SOX6: variants seen among roughly 807,000 people sequenced by gnomAD.
The protein encoded by SOX6 is transcription factor SOX-6.
A neutral mutation model predicts 97.8 loss-of-function variants in SOX6; 11 were observed. That is an observed-to-expected ratio of 0.11 (90% CI 0.07 to 0.19). The LOEUF (loss-of-function observed/expected upper bound fraction) is 0.19, where lower values mean the gene tolerates loss of function less well. Ranked by LOEUF, SOX6 falls within the 10% of genes least tolerant of loss-of-function variation. The pLI is 1.00. For synonymous variants in SOX6, 360 were observed against 371.4 expected (o/e 0.97, Z 0.35); for missense variants, 810 against 1,039.5 (o/e 0.78, Z 3.04).
chr11:16,004,480 G>A (rs1854495074), intron 13 of SOX6, among the ~76,000 whole-genome samples: 1 of 151,840 alleles, frequency 6.6e-6, no homozygotes, highest in South Asian at 2.1e-4. Context: ...ACATATTATG[G>A]GAGTAGCAGA....
intron 1 of SOX6, among the ~76,000 whole-genome samples, chr11:16,464,482 G>A (rs898477117): frequency 7.9e-5 from 12 of 151,654 alleles, no homozygotes; most frequent in African/African-American, 2.9e-4. Flanking sequence ...CAGAAGGGAG[G>A]GGAGAAAGGA....
At chr11:16,004,766 G>A (rs1230961028) in intron 13 of SOX6, among the ~76,000 whole-genome samples, 1 of 152,008 alleles carries the variant, frequency 6.6e-6, no homozygotes, top group Non-Finnish European at 1.5e-5. Flanking sequence ...AGCTCATCTT[G>A]GAGAAAAACA....
intron 10 of SOX6, 87 bp from the exon 11 acceptor site, chr11:16,050,025 C>CA (rs1178701973): frequency 7.6e-7 from 1 of 1,321,428 alleles, no homozygotes; most frequent in African/African-American, 1.4e-5. Context: ...TTTTACACCT[C>CA]AGAGACAATG....
At chr11:16,132,318 G>GAAAAAA (rs1849775506) in intron 6 of SOX6, among the ~76,000 whole-genome samples, 1 of 91,032 alleles carries the variant, frequency 1.1e-5, no homozygotes, top group African/African-American at 4.2e-5. Flanking sequence ...AAGGAAGGAA[G>GAAAAAA]GAAGGAAGGA....
At chr11:16,692,155 C>A (rs917850295) in intron 3 of SOX6, among the ~76,000 whole-genome samples, 10 of 151,604 alleles carry the variant, frequency 6.6e-5, no homozygotes, top group African/African-American at 2.4e-4. Flanking sequence ...CTCACTGCAA[C>A]CTCTGTCTCC....
chr11:16,065,432 C>T (rs1224300908), intron 9 of SOX6, among the ~76,000 whole-genome samples: 1 of 151,900 alleles, frequency 6.6e-6, no homozygotes. Flanking sequence ...AATGTCCATG[C>T]TACCCAAAAC....
rs115708693 is a variant in SOX6 at position 16,296,828 on chromosome 11, A to G, written c.445+21618T>C. Among the ~76,000 whole-genome samples the G allele has an allele frequency of 1.1e-3, 171 of 152,196 alleles. 1 individual carries two copies. The highest frequency in any genetic ancestry group is 3.8e-3 in the African/African-American group (157 of 41,540). ...CCTTAGAAGTTAGGTCTATTCCACTATCATTACTGGGTAATGTTATGGGCA... is the reference window on the plus strand; with the variant it reads ...CCTTAGAAGTTAGGTCTATTCCACTGTCATTACTGGGTAATGTTATGGGCA... On this transcript the variant is annotated intron_variant, in intron 3 of 15. Coordinates refer to ENST00000683767, the MANE Select transcript of SOX6 (RefSeq NM_001367873.1).
chr11:16,183,992 G>T (rs571472816), intron 5 of SOX6, 38 bp from the exon 6 acceptor site: 5 of 1,550,296 alleles, frequency 3.2e-6, no homozygotes, highest in East Asian at 4.5e-5. Flanking sequence ...AAAATGAAAT[G>T]CTTACACCTC....
rs549030803 is a variant in SOX6, at chr11:16,532,799, C to T, written n.610-56411G>A. ...CATGATATGCCAGTACTGTCAAGCA[C>T]CAAACACAAAGCTAGAAGCTGTGAA... On this transcript the variant is annotated intron_variant and non_coding_transcript_variant, in intron 4 of 5. Coordinates refer to the SOX6 transcript ENST00000524520. Among the ~76,000 whole-genome samples, 5 of 151,876 alleles carry T rather than the reference C, an allele frequency of 3.3e-5. No homozygotes were observed. The South Asian group carries it at 8.3e-4, about 25-fold the overall frequency.
intron 3 of SOX6, among the ~76,000 whole-genome samples, chr11:16,268,473 A>G (rs1369899458): frequency 6.6e-6 from 1 of 151,148 alleles, no homozygotes; most frequent in Non-Finnish European, 1.5e-5. Context: ...CATAATGGCA[A>G]AGTATATGAT....
chr11:16,091,740 T>C (rs1467013454), intron 9 of SOX6, among the ~76,000 whole-genome samples: 4 of 152,048 alleles, frequency 2.6e-5, no homozygotes, highest in South Asian at 2.1e-4. Context: ...ACTCTAACTA[T>C]ATTCCTTTCC....
intron 2 of SOX6, among the ~76,000 whole-genome samples, chr11:16,728,245 T>A (rs1848322467): frequency 6.6e-6 from 1 of 152,184 alleles, no homozygotes; most frequent in African/African-American, 2.4e-5. Flanking sequence ...ACAGACTGCC[T>A]CCTCAAGTGG....
rs1311777083 is a variant in SOX6 at position 15,971,592 on chromosome 11, A to G, written c.*1217T>C. On this transcript the variant is annotated 3_prime_UTR_variant, in exon 16 of 16. Coordinates refer to ENST00000683767, the MANE Select transcript of SOX6 (RefSeq NM_001367873.1). ...CTCAGGGGCATACCTGTTTAAGTGT[A>G]AGACTATATACCTATATCCCAATAC... The G allele has an allele frequency of 5.2e-5, 8 of 152,564 alleles. No individual in the cohort carries two copies. Among genetic ancestry groups the G allele is most frequent in the African/African-American group, 1.7e-4 (7 of 41,454 alleles). The allele number at this position is 152,564 out of a possible 1,614,324, so 9.5% of individuals were successfully genotyped here.
chr11:16,643,988 T>A (rs901028455), intron 3 of SOX6, among the ~76,000 whole-genome samples: 4 of 152,176 alleles, frequency 2.6e-5, no homozygotes, highest in African/African-American at 9.7e-5. Context: ...AAATCATCCA[T>A]CTTCTGCATC....
intron 6 of SOX6, among the ~76,000 whole-genome samples, chr11:16,136,513 G>A (rs1194697567): frequency 6.6e-6 from 1 of 151,926 alleles, no homozygotes; most frequent in Non-Finnish European, 1.5e-5. Context: ...GTATCTTCAT[G>A]TCTCAACCTC....
intron 9 of SOX6, among the ~76,000 whole-genome samples, chr11:16,084,463 G>C (rs1315284479): frequency 6.6e-6 from 1 of 151,800 alleles, no homozygotes; most frequent in African/African-American, 2.4e-5. Context: ...CATATTTATT[G>C]AGCATCTACC....
intron 2 of SOX6, among the ~76,000 whole-genome samples, chr11:16,340,403 T>C (rs1199270008): frequency 6.6e-6 from 1 of 152,102 alleles, no homozygotes; most frequent in African/African-American, 2.4e-5. Flanking sequence ...GAATTTAACA[T>C]GGGAAAGCTG....
chr11:16,304,226 T>C (rs1855350522), intron 3 of SOX6, among the ~76,000 whole-genome samples: 1 of 151,908 alleles, frequency 6.6e-6, no homozygotes, highest in Non-Finnish European at 1.5e-5. Flanking sequence ...AAGTTTTGAG[T>C]TTTTAATTTC....
In SOX6 at chr11:15,989,242, G is replaced by C; in HGVS notation, c.1733-12C>G. 1 of 1,581,134 alleles carries C rather than the reference G, an allele frequency of 6.3e-7. No homozygotes were observed. The highest frequency in any genetic ancestry group is 1.1e-5 in the South Asian group (1 of 87,824). On this transcript the variant is annotated splice_polypyrimidine_tract_variant and intron_variant, in intron 13 of 15. Coordinates refer to ENST00000683767, the MANE Select transcript of SOX6 (RefSeq NM_001367873.1). ...CATTGCTTTACTTCCTGTAATGTCAGGGCAGGAAGAACAAGATGAGTGGAA... is the reference window on the plus strand; with the variant it reads ...CATTGCTTTACTTCCTGTAATGTCACGGCAGGAAGAACAAGATGAGTGGAA...
Sources: gnomAD v4.1 joint callset for allele counts (sites outside exome capture counted in the v4.1 genomes callset) on GRCh38, gnomAD v4.1.1 for gene constraint, MANE v1.5 for transcripts, NCBI Gene and HGNC (gene_info 2026-07-23, HGNC 2026-07-21) for gene names.